The following TTC27 variants were observed in gnomAD, a reference collection of about 807,000 sequenced individuals.
TTC27 encodes the protein tetratricopeptide repeat domain 27.
Under a neutral mutation model 115.9 loss-of-function variants are expected in TTC27, and 79 were observed. The ratio of observed to expected loss-of-function variants is 0.68; its 90% CI spans 0.57 to 0.82. The LOEUF is 0.82. TTC27 is among the 40% of genes least tolerant of loss of function. The pLI is 0.00. For synonymous variants in TTC27, 401 were observed against 356.0 expected (o/e 1.13, Z -1.42); for missense variants, 1,054 against 993.1 (o/e 1.06, Z -0.82).
chr2:32,695,244 G>C (rs1018549174), intron 9 of TTC27, among the ~76,000 whole-genome samples: 1 of 151,924 alleles, frequency 6.6e-6, no homozygotes, highest in Admixed American at 6.6e-5. Context: ...AGCCCTATGA[G>C]TTTGACTACT....
intron 10 of TTC27, among the ~76,000 whole-genome samples, chr2:32,710,931 T>G (rs1488796817): frequency 6.6e-6 from 1 of 150,646 alleles, no homozygotes; most frequent in East Asian, 2.0e-4. Flanking sequence ...CTGGCCAACA[T>G]GGTGAGACCC....
chr2:32,673,222 T>C (rs991777068), intron 8 of TTC27, among the ~76,000 whole-genome samples: 4 of 106,350 alleles, frequency 3.8e-5, no homozygotes, highest in African/African-American at 7.7e-5. Flanking sequence ...ATTCACCTTA[T>C]GCATTTTTTT....
At chr2:32,751,749 T>C (rs1669025682) in intron 12 of TTC27, among the ~76,000 whole-genome samples, 1 of 152,204 alleles carries the variant, frequency 6.6e-6, no homozygotes, top group East Asian at 1.9e-4. Flanking sequence ...AGAGCTATGA[T>C]ATATCCTTGT....
chr2:32,814,382 T>C (rs569823416), intron 18 of TTC27, among the ~76,000 whole-genome samples: 1 of 152,354 alleles, frequency 6.6e-6, no homozygotes, highest in Non-Finnish European at 1.5e-5. Flanking sequence ...TTCATGCTCC[T>C]ACAACATTTT....
intron 16 of TTC27, among the ~76,000 whole-genome samples, chr2:32,807,025 G>A (rs1445679484): frequency 1.3e-5 from 2 of 152,068 alleles, no homozygotes; most frequent in African/African-American, 4.8e-5. Context: ...AGGTGAGTCA[G>A]AGCATTACCA....
At chr2:32,631,685 A>G (rs949358903) in intron 2 of TTC27, among the ~76,000 whole-genome samples, 4 of 152,256 alleles carry the variant, frequency 2.6e-5, no homozygotes, top group African/African-American at 9.6e-5. Flanking sequence ...TTCAACAAAT[A>G]AACTATTGTA....
intron 10 of TTC27, 136 bp downstream of exon 10, chr2:32,703,056 G>C: frequency 1.5e-6 from 1 of 666,100 alleles, no homozygotes. Context: ...TAGAGAATAA[G>C]TTCTATAATT....
chr2:32,649,967 A>G (rs952220922), intron 4 of TTC27, among the ~76,000 whole-genome samples, 164 bp from the exon 5 acceptor site: 2 of 152,158 alleles, frequency 1.3e-5, no homozygotes, highest in Non-Finnish European at 1.5e-5. Flanking sequence ...GAAGACACAG[A>G]TGTGGGTTTT....
At chr2:32,680,947 G>A (rs568098853) in intron 9 of TTC27, among the ~76,000 whole-genome samples, 4 of 151,964 alleles carry the variant, frequency 2.6e-5, no homozygotes, top group African/African-American at 9.7e-5. Flanking sequence ...GCACTGTGAG[G>A]TACCTGTGAA....
chr2:32,815,223 A>ATCTTTTTTTT (rs1671459164), intron 18 of TTC27, among the ~76,000 whole-genome samples: 1 of 55,500 alleles, frequency 1.8e-5, no homozygotes, highest in African/African-American at 9.3e-5. Context: ...GCTGCTTCAG[A>ATCTTTTTTTT]TTTTTTTTTT....
Position 32,743,210 on chromosome 2 carries a change from A to G in TTC27, c.1452+6394A>G, listed in dbSNP as rs1174323618. Reference sequence around the variant, plus strand: ...ATAAGAACCACTCTTATCACACATTAGAATTTTAATTCTTTCCATTAATTC... The same window carrying G: ...ATAAGAACCACTCTTATCACACATTGGAATTTTAATTCTTTCCATTAATTC... On this transcript the variant is annotated intron_variant, in intron 12 of 19. Transcript: ENST00000317907. 2.0e-5 allele frequency among the ~76,000 whole-genome samples: 3 copies of G among 152,224 alleles called. No homozygotes were observed. In the East Asian group the frequency reaches 5.8e-4, roughly 29 times the overall value.
chr2:32,732,044 T>C (rs942511555), intron 10 of TTC27, among the ~76,000 whole-genome samples: 1 of 148,932 alleles, frequency 6.7e-6, no homozygotes, highest in Non-Finnish European at 1.5e-5. Context: ...TGGAGAGCAT[T>C]AGTTATTTTT....
At chr2:32,764,063 AAG>A (rs1669539365) in intron 13 of TTC27, among the ~76,000 whole-genome samples, 1 of 152,228 alleles carries the variant, frequency 6.6e-6, no homozygotes, top group Non-Finnish European at 1.5e-5. Flanking sequence ...AGCACTGAAA[AAG>A]AGAAATATTA....
intron 10 of TTC27, among the ~76,000 whole-genome samples, chr2:32,707,467 T>G (rs1667415476): frequency 6.6e-6 from 1 of 152,186 alleles, no homozygotes; most frequent in African/African-American, 2.4e-5. Flanking sequence ...CATGAGCTTT[T>G]AGAGGACACA....
At position 32,763,530 on chromosome 2, in the gene TTC27, GA is replaced by G. The variant is rs532817030; in HGVS notation, c.1680+5016del. ...AGTTGTATCTGGAAAGGGTTAGGGGGAAAAAGGCTATTGTCCATCTTTTAGA... is the reference window on the plus strand; with the variant it reads ...AGTTGTATCTGGAAAGGGTTAGGGGGAAAAGGCTATTGTCCATCTTTTAGA... On this transcript the variant is annotated intron_variant, in intron 13 of 19. Transcript: ENST00000317907. Among the ~76,000 whole-genome samples the G allele has an allele frequency of 4.6e-5, 7 of 152,276 alleles. No individual in the cohort carries two copies. In the East Asian group the frequency reaches 1.2e-3, roughly 25 times the overall value.
chr2:32,772,521 T>G (rs1183167060), intron 13 of TTC27, among the ~76,000 whole-genome samples: 1 of 152,178 alleles, frequency 6.6e-6, no homozygotes, highest in African/African-American at 2.4e-5. Flanking sequence ...GTTGATAACT[T>G]TCAGTATAGT....
At chr2:32,750,972 A>T (rs1211796120) in intron 12 of TTC27, among the ~76,000 whole-genome samples, 1 of 152,210 alleles carries the variant, frequency 6.6e-6, no homozygotes, top group African/African-American at 2.4e-5. Context: ...ATTGCAGATT[A>T]AATTATATCA....
At chr2:32,751,767 T>C (rs924603842) in intron 12 of TTC27, among the ~76,000 whole-genome samples, 1 of 152,230 alleles carries the variant, frequency 6.6e-6, no homozygotes, top group African/African-American at 2.4e-5. Flanking sequence ...TGTTATGTTA[T>C]TTCAGAGTCC....
intron 12 of TTC27, among the ~76,000 whole-genome samples, chr2:32,737,955 A>G (rs1368971652): frequency 2.0e-5 from 3 of 152,272 alleles, no homozygotes; most frequent in South Asian, 2.1e-4. Flanking sequence ...GGTTAAGGCT[A>G]CAGTGAGTTG....
Sources: gnomAD v4.1 joint callset for allele counts (sites outside exome capture counted in the v4.1 genomes callset) on GRCh38, gnomAD v4.1.1 for gene constraint, MANE v1.5 for transcripts, NCBI Gene and HGNC (gene_info 2026-07-23, HGNC 2026-07-21) for gene names.